The following SEPTIN4 variants were observed in gnomAD, a reference collection of about 807,000 sequenced individuals.
SEPTIN4 encodes the protein septin-4.
A neutral mutation model predicts 107.1 loss-of-function variants in SEPTIN4; 52 were observed. The observed-to-expected ratio is 0.49, with a 90% confidence interval of 0.39 to 0.61. SEPTIN4 has a LOEUF of 0.61. SEPTIN4 is among the 20% of genes least tolerant of loss of function. The probability of loss-of-function intolerance (pLI) is 0.00; values close to 1 mark genes in which losing one functional copy is unlikely to be tolerated. For synonymous variants in SEPTIN4, 417 were observed against 467.0 expected, an observed-to-expected ratio of 0.89 and a Z score of 1.38; for missense variants, 1,048 against 1,243.5, an observed-to-expected ratio of 0.84 and a Z score of 2.36.
Position 58,520,481 on chromosome 17 carries a change from C to T in SEPTIN4, c.2936G>A (p.Arg979Gln), listed in dbSNP as rs148483356. 338 of 1,613,482 alleles carry T rather than the reference C, an allele frequency of 2.1e-4. No homozygotes were observed. The highest frequency in any genetic ancestry group is 4.4e-4 in the South Asian group (40 of 91,050). Residue 979 changes from arginine (R) to glutamine (Q), a missense_variant, in exon 14 of 14, where the codon CGG (arginine) becomes CAG (glutamine). Arg to Gln is a conservative substitution (Grantham distance 43). Transcript: ENST00000672673. Reference protein sequence around the residue: ...KLIREKDEELRRMQEMLHKIQ... With the variant: ...KLIREKDEELQRMQEMLHKIQ... ...TTTGTGTAGCATCTCCTGCATCCGC[C>T]GCAGCTGGAATAGGCACAGGCATCA...
At position 58,543,553 on chromosome 17, in the gene SEPTIN4, T is replaced by C; in HGVS notation, c.634A>G (p.Thr212Ala). 1.2e-6 allele frequency: 2 copies of C among 1,614,176 alleles called. No individual in the cohort carries two copies. The highest frequency in any genetic ancestry group is 1.7e-6 in the Non-Finnish European group (2 of 1,180,030). Reference sequence around the variant, plus strand: ...CTTGGAGATCTGATCTCACTAGTAGTCGTAATTCTTTGGATGGGCTCAGTT... The same window carrying C: ...CTTGGAGATCTGATCTCACTAGTAGCCGTAATTCTTTGGATGGGCTCAGTT... ...VQTEPIQRIT[T>A]TSEIRSPRSP... The change falls in exon 1 of 14, where the codon ACT becomes GCT. Residue 212 changes from threonine to alanine, a missense_variant. Thr to Ala is a moderately conservative substitution (Grantham distance 58). Coordinates refer to ENST00000672673, the MANE Select transcript of SEPTIN4 (RefSeq NM_001368771.2).
chr17:58,522,077 A>T lies in SEPTIN4; in HGVS notation c.2241T>A (p.Ile747=), dbSNP rs769772710. ...GGAAATACTGCTCAAACTGCTGATC[A>T]ATGTATTCTGCCACAGGCTTCCAGC... is the stretch of plus-strand genomic sequence containing the variant. ...TECWKPVAEY[I]DQQFEQYFRD... The change falls in exon 8 of 14, where the codon ATT becomes ATA. Residue 747 remains isoleucine (I), a synonymous_variant. Coordinates refer to ENST00000672673, the MANE Select transcript of SEPTIN4 (RefSeq NM_001368771.2). 1 of 1,614,196 alleles carries T rather than the reference A, an allele frequency of 6.2e-7. No homozygotes were observed. The highest frequency in any genetic ancestry group is 1.1e-5 in the South Asian group (1 of 91,084).
intron 3 of SEPTIN4, chr17:58,527,189 G>A (rs751841737): frequency 2.2e-6 from 2 of 909,996 alleles, no homozygotes; most frequent in East Asian, 2.4e-5. Flanking sequence ...AATATGCCAG[G>A]AAGGGTCCCA....
Position 58,521,209 on chromosome 17 carries a change from C to T in SEPTIN4, c.2668+45G>A. On this transcript the variant is annotated intron_variant, in intron 11 of 13. Transcript: ENST00000672673. The surrounding 1 kb of genome is among the most constrained non-coding windows in gnomAD (Gnocchi z 6.4). ...GCCAGAGGCATAGGTAGGGGAGAGC[C>T]ACTGAGGGCAAGGAGATACCCTGGT... The T allele has an allele frequency of 6.2e-7, 1 of 1,614,140 alleles. No homozygotes were observed. Among genetic ancestry groups the T allele is most frequent in the South Asian group, 1.1e-5 (1 of 91,086 alleles).
intron 3 of SEPTIN4, 171 bp from the exon 4 acceptor site, chr17:58,527,149 C>T: frequency 8.9e-7 from 1 of 1,122,144 alleles, no homozygotes; most frequent in African/African-American, 1.5e-5. Context: ...CACCATCCCT[C>T]CCTCACCTGC....
chr17:58,529,397 C>A, intron 3 of SEPTIN4: 1 of 1,424,076 alleles, frequency 7.0e-7, no homozygotes. Context: ...TCCCTTGGCT[C>A]CCACCCTCCA....
At chr17:58,529,280 T>C in intron 3 of SEPTIN4, 1 of 1,592,904 alleles carries the variant, frequency 6.3e-7, no homozygotes, top group Admixed American at 1.7e-5. Flanking sequence ...TGTTGTTGTC[T>C]GGCTTCCTGG....
At chr17:58,527,429 C>T in intron 3 of SEPTIN4, 1 of 306,668 alleles carries the variant, frequency 3.3e-6, no homozygotes, top group Non-Finnish European at 6.4e-6. Context: ...CAGAATGGGG[C>T]AGGGACATGA....
rs1182561113 is a variant in SEPTIN4, at chr17:58,526,709, G to C, written c.1884C>G (p.Gly628=). ...CAGAGGAATCATAGGGATCAAGCTT[G>C]CCCCATGGGCTGCGGGGCCTGGCAG... is the stretch of plus-strand genomic sequence containing the variant. ...SPSARPRSPW[G]KLDPYDSSED... Residue 628 remains glycine (G), a synonymous_variant, in exon 4 of 14, where the codon GGC becomes GGG. Transcript: ENST00000672673. 5.0e-6 allele frequency: 8 copies of C among 1,598,038 alleles called. No individual in the cohort carries two copies. The South Asian group carries it at 9.0e-5, about 18-fold the overall frequency.
At chr17:58,520,558 C>A (rs1230146139) in intron 13 of SEPTIN4, 73 bp from the exon 14 acceptor site, 1 of 1,586,198 alleles carries the variant, frequency 6.3e-7, no homozygotes, top group African/African-American at 1.3e-5. Flanking sequence ...CCCCAAATTT[C>A]TAATCCCTTA....
Position 58,542,799 on chromosome 17 carries a change from T to G in SEPTIN4, c.1388A>C (p.Lys463Thr), listed in dbSNP as rs376482361. The G allele has an allele frequency of 1.3e-5, 21 of 1,614,132 alleles. No homozygotes were observed. The highest frequency in any genetic ancestry group is 3.3e-5 in the Admixed American group (2 of 60,016). Reference protein sequence around the residue: ...PSLDLLLSGFKIDSSPFCEDL... With the variant: ...PSLDLLLSGFTIDSSPFCEDL... ...CTCACAGAAAGGGCTAGAGTCTATTTTAAAACCGGACAATAAAAGATCTAG... is the reference window on the plus strand; with the variant it reads ...CTCACAGAAAGGGCTAGAGTCTATTGTAAAACCGGACAATAAAAGATCTAG... The change falls in exon 1 of 14, where the codon AAA becomes ACA. Residue 463 changes from lysine (K) to threonine (T), a missense_variant. By Grantham distance (78) the Lys-to-Thr change is moderately conservative (BLOSUM62 -1). Around this residue, in one of 2 missense-constraint regions of SEPTIN4, gnomAD observed 787 missense variants for 871.8 expected, o/e 0.90. Transcript: ENST00000672673.
At chr17:58,532,605 A>T (rs1484671660) in intron 3 of SEPTIN4, among the ~76,000 whole-genome samples, 1 of 152,190 alleles carries the variant, frequency 6.6e-6, no homozygotes, top group Non-Finnish European at 1.5e-5. Context: ...CCCAGATTAC[A>T]GATTAAAGAG....
rs760946126 is a variant in SEPTIN4, at chr17:58,543,764, G to A, written c.423C>T (p.Arg141=). 1.9e-5 allele frequency: 30 copies of A among 1,614,054 alleles called. No homozygotes were observed. The highest frequency in any genetic ancestry group is 6.7e-5 in the Admixed American group (4 of 60,006). Residue 141 remains arginine, a synonymous_variant, in exon 1 of 14, where the codon CGC becomes CGT. Coordinates refer to ENST00000672673, the MANE Select transcript of SEPTIN4 (RefSeq NM_001368771.2). ...ARRGSESKSG[R]EVGHHASSIP... Reference sequence around the variant, plus strand: ...TTGATGAAGCATGATGGCCGACCTCGCGCCCTGACTTGCTCTCACTGCCTC... The same window carrying A: ...TTGATGAAGCATGATGGCCGACCTCACGCCCTGACTTGCTCTCACTGCCTC...
At chr17:58,524,027 T>C (rs2042561580) in intron 7 of SEPTIN4, among the ~76,000 whole-genome samples, 2 of 152,308 alleles carry the variant, frequency 1.3e-5, no homozygotes, top group South Asian at 4.1e-4. Flanking sequence ...GTAAATTGAT[T>C]GAAGGAGATC....
intron 7 of SEPTIN4, among the ~76,000 whole-genome samples, chr17:58,524,154 A>C (rs1216756561): frequency 2.0e-5 from 3 of 152,096 alleles, no homozygotes; most frequent in Non-Finnish European, 4.4e-5. Context: ...TCTCCTGTCA[A>C]TCTCATCCAT....
In SEPTIN4 at chr17:58,543,080, C is replaced by T; in HGVS notation, c.1107G>A (p.Glu369=). The T allele has an allele frequency of 1.9e-6, 3 of 1,612,718 alleles. No individual in the cohort carries two copies. Among genetic ancestry groups the T allele is most frequent in the Non-Finnish European group, 2.5e-6 (3 of 1,179,356 alleles). ...TTTGGGTTTGCTGTTTATAGATGGG[C>T]TCTGGAGTAACAAACATGGATGACT... ...SHKSSMFVTP[E]PIYKQQTQKP... The change falls in exon 1 of 14, where the codon GAG becomes GAA. Residue 369 remains glutamate (E), a synonymous_variant. Transcript: ENST00000672673.
chr17:58,522,418 G>C (rs558364211), intron 7 of SEPTIN4, among the ~76,000 whole-genome samples: 11 of 152,182 alleles, frequency 7.2e-5, no homozygotes, highest in African/African-American at 2.7e-4. Context: ...CCAACACTTT[G>C]GGAGGCCGAG....
Position 58,543,053 on chromosome 17 carries a change from T to G in SEPTIN4, c.1134A>C (p.Lys378Asn), listed in dbSNP as rs769029568. The G allele has an allele frequency of 7.8e-5, 125 of 1,608,506 alleles. No homozygotes were observed. The highest frequency in any genetic ancestry group is 9.9e-5 in the Non-Finnish European group (117 of 1,177,812). Residue 378 changes from lysine to asparagine, a missense_variant, in exon 1 of 14, where the codon AAA becomes AAC. Physicochemically the swap from Lys to Asn is moderately conservative, Grantham distance 94 (BLOSUM62 0). Transcript: ENST00000672673. ...GGGACATGTAAGTAATTTCTGGGGG[T>G]TTTTGGGTTTGCTGTTTATAGATGG... ...PEPIYKQQTQ[K>N]PPEITYMSQG...
In SEPTIN4 at chr17:58,543,038, A is replaced by C. The variant is rs2043924477; in HGVS notation, c.1149T>G (p.Thr383=). The change falls in exon 1 of 14, where the codon ACT becomes ACG. Residue 383 remains threonine, a synonymous_variant. Coordinates refer to ENST00000672673, the MANE Select transcript of SEPTIN4 (RefSeq NM_001368771.2). ...TGGGTGTAGGTCCTTGGGACATGTA[A>C]GTAATTTCTGGGGGTTTTTGGGTTT... ...KQQTQKPPEI[T]YMSQGPTPRY... The C allele has an allele frequency of 5.0e-6, 8 of 1,610,282 alleles. No individual in the cohort carries two copies. The South Asian group carries it at 8.8e-5, about 18-fold the overall frequency.
Sources: gnomAD v4.1 joint callset for allele counts (sites outside exome capture counted in the v4.1 genomes callset) on GRCh38, gnomAD v4.1.1 for gene constraint, gnomAD v4.1.1 regional missense constraint, Gnocchi (gnomAD v3.1) non-coding constraint, MANE v1.5 for transcripts, NCBI Gene and HGNC (gene_info 2026-07-23, HGNC 2026-07-21) for gene names.